PID1: variants seen among roughly 807,000 people sequenced by gnomAD.
PID1 encodes phosphotyrosine interaction domain containing 1.
A neutral mutation model predicts 19.1 loss-of-function variants in PID1; 10 were observed. That is an observed-to-expected ratio of 0.52 (90% CI 0.32 to 0.89). PID1 has a LOEUF of 0.89. PID1 is among the 40% of genes least tolerant of loss of function. PID1 has a pLI of 0.03. For synonymous variants in PID1, 130 were observed against 116.0 expected (o/e 1.12, Z -0.78); for missense variants, 248 against 285.3 (o/e 0.87, Z 0.94).
chr2:229,126,525 T>C (rs1458725139), intron 2 of PID1, among the ~76,000 whole-genome samples: 1 of 152,196 alleles, frequency 6.6e-6, no homozygotes, highest in Non-Finnish European at 1.5e-5. Flanking sequence ...TGACTCTTCA[T>C]GCATGGTTTA....
intron 1 of PID1, among the ~76,000 whole-genome samples, chr2:229,163,684 T>TGCGCGCGCGCATGTGC (rs769479858): frequency 6.5e-4 from 51 of 78,124 alleles, no homozygotes; most frequent in African/African-American, 1.9e-3. Context: ...TGCGTGTGCG[T>TGCGCGCGCGCATGTGC]GTGTGTGTGT....
At chr2:229,227,227 C>A (rs540959914) in intron 1 of PID1, among the ~76,000 whole-genome samples, 1 of 152,214 alleles carries the variant, frequency 6.6e-6, no homozygotes, top group Non-Finnish European at 1.5e-5. Context: ...AGCCTTGCAA[C>A]ATATGACTAC....
At chr2:229,047,225 A>G (rs1693901101) in intron 2 of PID1, among the ~76,000 whole-genome samples, 1 of 152,196 alleles carries the variant, frequency 6.6e-6, no homozygotes, top group Non-Finnish European at 1.5e-5. Context: ...TTCCAGAACC[A>G]TGCAGAGTTA....
intron 2 of PID1, among the ~76,000 whole-genome samples, chr2:229,114,566 C>T (rs2106152347): frequency 6.6e-6 from 1 of 152,216 alleles, no homozygotes; most frequent in South Asian, 2.1e-4. Flanking sequence ...CCCTCTATTC[C>T]ACTAGATGCA....
At chr2:229,049,270 T>G (rs1167159563) in intron 2 of PID1, among the ~76,000 whole-genome samples, 1 of 152,192 alleles carries the variant, frequency 6.6e-6, no homozygotes, top group African/African-American at 2.4e-5. Context: ...AAGATTATAT[T>G]TTTTTCACAT....
chr2:229,041,247 G>A (rs1011294453), intron 2 of PID1, among the ~76,000 whole-genome samples: 2 of 152,118 alleles, frequency 1.3e-5, no homozygotes, highest in Non-Finnish European at 1.5e-5. Context: ...GGAACATCAC[G>A]CTTTACCAGA....
rs1491116559 is a variant in PID1, at chr2:229,054,720, G to GTGT, written c.178-28613_178-28612insACA. Among the ~76,000 whole-genome samples the GTGT allele has an allele frequency of 3.8e-3, 85 of 22,524 alleles. 1 individual carries two copies. The highest frequency in any genetic ancestry group is 0.011 in the African/African-American group (66 of 6,160). 14.8% of individuals were successfully genotyped at this position (22,524 alleles called of 152,430 possible). A position where few individuals can be genotyped will look rare whatever the true frequency, so the allele number is the denominator to read the frequency against. ...AGTAATGCAGTGTGTGTGTGTGTGT[G>GTGT]GGGGGGGGGGGGGGTCTGGTTTTAC... On this transcript the variant is annotated intron_variant, in intron 2 of 2. Transcript: ENST00000392055.
intron 2 of PID1, among the ~76,000 whole-genome samples, chr2:229,135,166 A>G (rs180690108): frequency 6.7e-6 from 1 of 149,688 alleles, no homozygotes; most frequent in African/African-American, 2.5e-5. Context: ...CTAGAAATGA[A>G]CTTGACTGGC....
At chr2:229,219,450 C>T (rs1168147689) in intron 1 of PID1, among the ~76,000 whole-genome samples, 2 of 152,166 alleles carry the variant, frequency 1.3e-5, no homozygotes, top group Non-Finnish European at 2.9e-5. Context: ...AGAAGGAAAC[C>T]GCCCCCATGA....
intron 1 of PID1, among the ~76,000 whole-genome samples, chr2:229,189,497 C>T (rs555921902): frequency 8.8e-4 from 134 of 152,196 alleles, no homozygotes; most frequent in Non-Finnish European, 1.7e-3. Flanking sequence ...GAGTTCAAGA[C>T]CAGCCTGGCC....
chr2:229,223,855 T>C (rs1692022846), intron 1 of PID1, among the ~76,000 whole-genome samples: 1 of 152,202 alleles, frequency 6.6e-6, no homozygotes, highest in South Asian at 2.1e-4. Context: ...ATGCTGAGGT[T>C]TGGGTTTCTA....
Position 229,271,273 on chromosome 2 carries a change from C to A in PID1, c.-230G>T. 2 of 360,650 alleles carry A rather than the reference C, an allele frequency of 5.5e-6. No homozygotes were observed. Among genetic ancestry groups the A allele is most frequent in the Non-Finnish European group, 5.1e-6 (1 of 197,988 alleles). The allele number at this position is 360,650 out of a possible 1,614,324, so 22.3% of individuals were successfully genotyped here. A position where few individuals can be genotyped will look rare whatever the true frequency, so the allele number is the denominator to read the frequency against. The stretch of plus-strand genomic sequence containing the variant: ...CCGCGCGCCGGCTGTCCTGGCGCAG[C>A]TGCGAGAGGACTGCGCAGCTCCGCC... On this transcript the variant is annotated 5_prime_UTR_variant, in exon 1 of 3. Coordinates refer to ENST00000392055, the MANE Select transcript of PID1 (RefSeq NM_001100818.2).
At chr2:229,078,117 A>G (rs563083202) in intron 2 of PID1, among the ~76,000 whole-genome samples, 64 of 152,272 alleles carry the variant, frequency 4.2e-4, no homozygotes, top group Non-Finnish European at 7.1e-4. Flanking sequence ...GGACCTTCAC[A>G]TCCCTTGTAA....
intron 2 of PID1, among the ~76,000 whole-genome samples, chr2:229,073,687 C>T (rs1167123456): frequency 1.3e-5 from 2 of 152,176 alleles, no homozygotes; most frequent in African/African-American, 4.8e-5. Context: ...AACATTATTA[C>T]AGATCCAAAC....
intron 2 of PID1, among the ~76,000 whole-genome samples, chr2:229,110,427 T>G (rs1559237336): frequency 6.6e-6 from 1 of 151,784 alleles, no homozygotes; most frequent in African/African-American, 2.4e-5. Context: ...CAAGATCAGG[T>G]GAGGGAAGAG....
At chr2:229,080,364 C>T (rs1426416251) in intron 2 of PID1, among the ~76,000 whole-genome samples, 1 of 152,048 alleles carries the variant, frequency 6.6e-6, no homozygotes, top group Non-Finnish European at 1.5e-5. Flanking sequence ...GTCAACACAT[C>T]CTTACATACC....
At chr2:229,252,510 A>C (rs528425944) in intron 1 of PID1, among the ~76,000 whole-genome samples, 2 of 152,310 alleles carry the variant, frequency 1.3e-5, no homozygotes, top group Admixed American at 1.3e-4. Flanking sequence ...AAGGGCATTG[A>C]ATTACATTAT....
At chr2:229,030,938 C>G (rs992165771) in intron 2 of PID1, among the ~76,000 whole-genome samples, 1 of 151,888 alleles carries the variant, frequency 6.6e-6, no homozygotes, top group South Asian at 2.1e-4. Flanking sequence ...CTGTTAATGG[C>G]CGGGTGCAGT....
chr2:229,045,167 T>C (rs1349598929), intron 2 of PID1, among the ~76,000 whole-genome samples: 2 of 152,172 alleles, frequency 1.3e-5, no homozygotes, highest in Non-Finnish European at 2.9e-5. Flanking sequence ...TTGGCCAGGC[T>C]AGTGTCCAAC....
Sources: allele counts gnomAD v4.1 joint callset (sites outside exome capture counted in the v4.1 genomes callset), GRCh38; gene constraint gnomAD v4.1.1; transcripts MANE v1.5; gene names NCBI Gene and HGNC (gene_info 2026-07-23, HGNC 2026-07-21).